Variants in CPLANE1 observed in about 807,000 individuals in gnomAD.
The protein encoded by CPLANE1 is ciliogenesis and planar polarity effector complex subunit 1.
A neutral mutation model predicts 362.5 loss-of-function variants in CPLANE1; 263 were observed. The ratio of observed to expected loss-of-function variants is 0.73; its 90% CI spans 0.66 to 0.80. The LOEUF (loss-of-function observed/expected upper bound fraction) is 0.80. CPLANE1 is among the 30% of genes least tolerant of loss of function. The probability of loss-of-function intolerance (pLI) is 0.00; values close to 1 mark genes in which losing one functional copy is unlikely to be tolerated. For missense variants in CPLANE1, 3,461 were observed against 3,793.4 expected, an observed-to-expected ratio of 0.91 and a Z score of 2.30; for synonymous variants, 1,212 against 1,302.6, an observed-to-expected ratio of 0.93 and a Z score of 1.50.
the CPLANE1 span, among the ~76,000 whole-genome samples, chr5:37,077,336 A>G: frequency 6.6e-6 from 1 of 152,088 alleles, no homozygotes; most frequent in South Asian, 2.1e-4. Context: ...CTGAGTCTCA[A>G]GTTCACTTTT....
chr5:37,179,252 G>A, intron 29 of CPLANE1, 109 bp downstream of exon 29: 1 of 731,764 alleles, frequency 1.4e-6, no homozygotes, highest in Non-Finnish European at 2.2e-6. Context: ...GCATTTTTAA[G>A]AGCTAGCCCT....
chr5:37,122,684 C>T (rs181367472), intron 47 of CPLANE1, among the ~76,000 whole-genome samples, 196 bp from the exon 48 acceptor site: 102 of 152,202 alleles, frequency 6.7e-4, no homozygotes, highest in Admixed American at 3.5e-3. Flanking sequence ...GAGGCTGCGG[C>T]GGGCGGATCA....
chr5:37,099,204 G>A, the CPLANE1 span, among the ~76,000 whole-genome samples: 2 of 152,110 alleles, frequency 1.3e-5, no homozygotes, highest in Non-Finnish European at 2.9e-5. Context: ...GTGTGCTGTG[G>A]TGGTTTGCTG....
chr5:37,083,585 A>C, the CPLANE1 span, among the ~76,000 whole-genome samples: 2 of 152,246 alleles, frequency 1.3e-5, no homozygotes, highest in African/African-American at 4.8e-5. Context: ...TAAATAAAAA[A>C]TAATCAAAAC....
At chr5:37,083,067 C>G in the CPLANE1 span, among the ~76,000 whole-genome samples, 14 of 152,208 alleles carry the variant, frequency 9.2e-5, no homozygotes, top group Admixed American at 1.3e-4. Context: ...GCTGGTATCC[C>G]TGGCTGAGAG....
chr5:37,239,529 G>GCC (rs1053349827), intron 7 of CPLANE1, among the ~76,000 whole-genome samples, 184 bp downstream of exon 7: 1 of 131,292 alleles, frequency 7.6e-6, no homozygotes, highest in African/African-American at 3.0e-5. Context: ...GCTGCAGCAA[G>GCC]CCATGATCGC....
chr5:37,138,949 C>T (rs1254914840), intron 45 of CPLANE1, 101 bp from the exon 46 acceptor site: 1 of 1,003,848 alleles, frequency 1.0e-6, no homozygotes, highest in Non-Finnish European at 1.5e-6. Context: ...AAATGATAAA[C>T]ATATATCTAC....
At chr5:37,233,344 C>G (rs958909889) in intron 8 of CPLANE1, among the ~76,000 whole-genome samples, 2 of 152,106 alleles carry the variant, frequency 1.3e-5, no homozygotes, top group African/African-American at 4.8e-5. Flanking sequence ...GCAGGCTGCA[C>G]TTCTCACAGC....
chr5:37,225,408 C>T (rs1256302235), intron 12 of CPLANE1, among the ~76,000 whole-genome samples: 4 of 152,060 alleles, frequency 2.6e-5, no homozygotes, highest in African/African-American at 7.2e-5. Flanking sequence ...TGCCAATAGG[C>T]CTGGCTAATT....
intron 8 of CPLANE1, among the ~76,000 whole-genome samples, chr5:37,232,468 G>A (rs1287917273): frequency 6.8e-6 from 1 of 148,088 alleles, no homozygotes; most frequent in East Asian, 2.0e-4. Context: ...AGTGAGACGA[G>A]ATCGCACTAC....
chr5:37,179,987 C>T, intron 28 of CPLANE1, 30 bp downstream of exon 28: 1 of 1,478,562 alleles, frequency 6.8e-7, no homozygotes, highest in South Asian at 1.4e-5. Context: ...TTAATAAAGC[C>T]AAAAAAATAG....
chr5:37,218,483 C>T (rs1322638818), intron 15 of CPLANE1, among the ~76,000 whole-genome samples: 2 of 152,136 alleles, frequency 1.3e-5, no homozygotes, highest in Non-Finnish European at 2.9e-5. Flanking sequence ...CACCTTTTCC[C>T]TTTGCTGATT....
intron 46 of CPLANE1, among the ~76,000 whole-genome samples, chr5:37,129,349 A>G (rs931274596): frequency 1.3e-5 from 2 of 152,208 alleles, no homozygotes; most frequent in African/African-American, 4.8e-5. Flanking sequence ...GCTTAGGCAA[A>G]GGCTTCATGA....
At chr5:37,097,500 G>A in the CPLANE1 span, among the ~76,000 whole-genome samples, 1 of 152,162 alleles carries the variant, frequency 6.6e-6, no homozygotes, top group Admixed American at 6.5e-5. Flanking sequence ...AAGACATTTA[G>A]ACATCCAGAT....
At chr5:37,151,372 CTA>C (rs1773514652) in intron 42 of CPLANE1, among the ~76,000 whole-genome samples, 1 of 152,204 alleles carries the variant, frequency 6.6e-6, no homozygotes. Context: ...TCAGGCATAT[CTA>C]TGTGCCTCAT....
rs145282721 is a variant in CPLANE1 at position 37,168,507 on chromosome 5, A to AT, written c.7233+283dup. Among the ~76,000 whole-genome samples the AT allele has an allele frequency of 0.15, 22,540 of 151,462 alleles. 1,965 individuals are homozygous for AT. Among genetic ancestry groups the AT allele is most frequent in the African/African-American group, 0.24 (9,701 of 41,216 alleles). Reference sequence around the variant, plus strand: ...AGACCTAAAACCTTTAAAATACACAATTTTTTTTTAATAGAGACAGCTTCT... The same window carrying AT: ...AGACCTAAAACCTTTAAAATACACAATTTTTTTTTTAATAGAGACAGCTTCT... On this transcript the variant is annotated intron_variant, in intron 34 of 52. Transcript: ENST00000651892.
the CPLANE1 span, among the ~76,000 whole-genome samples, chr5:37,096,654 T>C: frequency 6.6e-6 from 1 of 152,066 alleles, no homozygotes; most frequent in African/African-American, 2.4e-5. Flanking sequence ...TCACAATCTA[T>C]ACATCCGACA....
intron 42 of CPLANE1, 38 bp downstream of exon 42, chr5:37,153,702 C>T: frequency 6.4e-7 from 1 of 1,569,930 alleles, no homozygotes; most frequent in East Asian, 2.3e-5. Context: ...TCTAATAATT[C>T]AGTAGCAAAC....
rs1051146313 is a variant in CPLANE1, at chr5:37,152,608, G to C, written c.8373+1132C>G. ...TATGTCTACCTTTTATAGAAAACTA[G>C]GCTGGTGTGGTGGCTCACATCTACA... On this transcript the variant is annotated intron_variant, in intron 42 of 52. Transcript: ENST00000651892. Among the ~76,000 whole-genome samples, 11 of 151,954 alleles carry C rather than the reference G, an allele frequency of 7.2e-5. No homozygotes were observed. In the East Asian group the frequency reaches 2.1e-3, roughly 29 times the overall value.
Sources: allele counts gnomAD v4.1 joint callset (sites outside exome capture counted in the v4.1 genomes callset), GRCh38; gene constraint gnomAD v4.1.1; transcripts MANE v1.5; gene names NCBI Gene and HGNC (gene_info 2026-07-23, HGNC 2026-07-21).